Variants in FKBP5 observed in about 807,000 individuals in gnomAD.
The protein encoded by FKBP5 is FKBP prolyl isomerase 5, also known as peptidyl-prolyl cis-trans isomerase FKBP5.
FKBP5 carries 23 observed loss-of-function variants against 50.5 expected under a neutral mutation model. The observed-to-expected ratio is 0.46, with a 90% confidence interval of 0.33 to 0.65. The LOEUF is 0.65. Among genes scored for constraint, FKBP5 ranks in the 30% least tolerant of loss-of-function variants. FKBP5 has a pLI of 0.02. For missense variants in FKBP5, 411 were observed against 553.1 expected (o/e 0.74, Z 2.58); for synonymous variants, 176 against 190.6 (o/e 0.92, Z 0.63).
At chr6:35,672,392 T>C (rs911514202) in intron 1 of FKBP5, among the ~76,000 whole-genome samples, 10 of 151,752 alleles carry the variant, frequency 6.6e-5, no homozygotes, top group African/African-American at 2.4e-4. Flanking sequence ...TTGTGAATTA[T>C]ACAATTCAAC....
chr6:35,584,736 T>C (rs1262693193), intron 8 of FKBP5: 2 of 985,472 alleles, frequency 2.0e-6, no homozygotes, highest in Non-Finnish European at 2.4e-6. Flanking sequence ...GTTTTGAACC[T>C]TTCATTAATT....
chr6:35,593,532 A>G (rs1762885156), intron 6 of FKBP5, among the ~76,000 whole-genome samples: 1 of 152,094 alleles, frequency 6.6e-6, no homozygotes. Context: ...ATAACTAGAC[A>G]TTATGGCTCT....
At chr6:35,688,742 G>A (rs1164833975) in intron 1 of FKBP5, 62 bp downstream of exon 1, 1 of 150,688 alleles carries the variant, frequency 6.6e-6, no homozygotes, top group Non-Finnish European at 1.5e-5. Context: ...CTGGAAGGAG[G>A]GCGTTCGGCT....
intron 1 of FKBP5, among the ~76,000 whole-genome samples, chr6:35,655,040 G>A (rs1764911048): frequency 6.6e-6 from 1 of 152,040 alleles, no homozygotes; most frequent in Admixed American, 6.6e-5. Context: ...AGTAGTTGTG[G>A]GCCAGGCTCG....
At chr6:35,716,245 C>G (rs1398904435) in intron 2 of FKBP5, among the ~76,000 whole-genome samples, 3 of 152,120 alleles carry the variant, frequency 2.0e-5, no homozygotes, top group Non-Finnish European at 4.4e-5. Context: ...TGGTGGCACA[C>G]ACCCATAGTC....
chr6:35,726,668 T>C (rs1766719895), intron 1 of FKBP5, among the ~76,000 whole-genome samples: 1 of 151,960 alleles, frequency 6.6e-6, no homozygotes, highest in African/African-American at 2.4e-5. Context: ...CTATAGCTAT[T>C]ACACACATTT....
intron 2 of FKBP5, among the ~76,000 whole-genome samples, chr6:35,707,398 A>G (rs1481437994): frequency 6.8e-6 from 1 of 147,102 alleles, no homozygotes; most frequent in Non-Finnish European, 1.5e-5. Flanking sequence ...TTTTTTTTGT[A>G]TTTTTAGTAG....
chr6:35,652,524 T>C (rs1371983504), intron 1 of FKBP5, among the ~76,000 whole-genome samples: 1 of 152,140 alleles, frequency 6.6e-6, no homozygotes. Flanking sequence ...ATGGTCGAGA[T>C]TGCAGAGGTG....
At chr6:35,599,881 C>T (rs1315759545) in intron 5 of FKBP5, among the ~76,000 whole-genome samples, 2 of 152,104 alleles carry the variant, frequency 1.3e-5, no homozygotes, top group African/African-American at 2.4e-5. Flanking sequence ...TTTTCAAATA[C>T]AGTCACGCTT....
At chr6:35,679,495 G>A (rs1358793635) in intron 1 of FKBP5, among the ~76,000 whole-genome samples, 2 of 152,152 alleles carry the variant, frequency 1.3e-5, no homozygotes. Context: ...TCAGACATCT[G>A]TCATTCTTCA....
At chr6:35,654,523 C>T (rs1764895413) in intron 1 of FKBP5, among the ~76,000 whole-genome samples, 1 of 152,174 alleles carries the variant, frequency 6.6e-6, no homozygotes, top group Admixed American at 6.5e-5. Flanking sequence ...CATACCATAC[C>T]ATTGTTCAAA....
Position 35,651,929 on chromosome 6 carries a change from A to C in FKBP5, c.-19-9086T>G, listed in dbSNP as rs1764812466. ...CATTGTTCAGTATGAGTTTTGATAC[A>C]TATAAGAAGGTGTTGCAGGAAGTCA... On this transcript the variant is annotated intron_variant, in intron 1 of 10. Transcript: ENST00000357266. 32 of 1,063,506 alleles carry C rather than the reference A, an allele frequency of 3.0e-5. 1 individual carries two copies. In the South Asian group the frequency reaches 6.0e-4, roughly 20 times the overall value. The allele number at this position is 1,063,506 out of a possible 1,614,324, so 65.9% of individuals were successfully genotyped here. A position where few individuals can be genotyped will look rare whatever the true frequency, so the allele number is the denominator to read the frequency against.
chr6:35,674,844 A>G (rs1765484853), intron 1 of FKBP5, among the ~76,000 whole-genome samples: 1 of 152,200 alleles, frequency 6.6e-6, no homozygotes, highest in Admixed American at 6.5e-5. Flanking sequence ...TCATTTGCTT[A>G]GCCTCTTGAG....
At chr6:35,652,415 A>G (rs1366372149) in intron 1 of FKBP5, among the ~76,000 whole-genome samples, 1 of 152,174 alleles carries the variant, frequency 6.6e-6, no homozygotes, top group Non-Finnish European at 1.5e-5. Flanking sequence ...GAGAAATATT[A>G]CTGAATTCCT....
upstream of FKBP5, among the ~76,000 whole-genome samples, chr6:35,693,438 C>T (rs1200634465): frequency 1.3e-5 from 2 of 151,736 alleles, no homozygotes; most frequent in Non-Finnish European, 2.9e-5. Context: ...GCTGGGATTA[C>T]AGGTGTGAGC....
intron 3 of FKBP5, among the ~76,000 whole-genome samples, chr6:35,628,430 A>G (rs563265653): frequency 6.6e-6 from 1 of 152,306 alleles, no homozygotes; most frequent in South Asian, 2.1e-4. Context: ...TTTAACTGTA[A>G]AAGATTTCCT....
At chr6:35,617,516 G>T (rs945152455) in intron 5 of FKBP5, among the ~76,000 whole-genome samples, 3 of 152,084 alleles carry the variant, frequency 2.0e-5, no homozygotes, top group Admixed American at 2.0e-4. Flanking sequence ...ATTTTAAACA[G>T]ACCTTTTATA....
In FKBP5 at chr6:35,577,027, G is replaced by GT. The variant is rs1762242486; in HGVS notation, c.1232dup (p.Asn411LysfsTer17). The GT allele has an allele frequency of 9.9e-6, 16 of 1,614,152 alleles. No homozygotes were observed. The highest frequency in any genetic ancestry group is 1.4e-5 in the Non-Finnish European group (16 of 1,180,010). ...CCTGCTCTGCAAACTTCTTGAACAT[G>GT]TTGGCGTATATCCTGCGGTCCCGCT... is the stretch of plus-strand genomic sequence containing the variant. On this transcript the variant is annotated frameshift_variant, in exon 10 of 11. Coordinates refer to ENST00000357266, the MANE Select transcript of FKBP5 (RefSeq NM_004117.4). LOFTEE classifies it high-confidence loss of function.
chr6:35,593,373 A>T (rs1762880080), intron 6 of FKBP5, among the ~76,000 whole-genome samples: 1 of 152,208 alleles, frequency 6.6e-6, no homozygotes, highest in South Asian at 2.1e-4. Context: ...AAGCACTTGG[A>T]CTACAAGCTC....
Sources: allele counts gnomAD v4.1 joint callset (sites outside exome capture counted in the v4.1 genomes callset), GRCh38; gene constraint gnomAD v4.1.1; transcripts MANE v1.5; gene names NCBI Gene and HGNC (gene_info 2026-07-23, HGNC 2026-07-21).